The following FHIT variants were observed in gnomAD, a reference collection of about 807,000 sequenced individuals.
FHIT encodes fragile histidine triad diadenosine triphosphatase, also known as bis(5'-adenosyl)-triphosphatase.
Under a neutral mutation model 17.9 loss-of-function variants are expected in FHIT, and 19 were observed. The observed-to-expected ratio is 1.06, with a 90% confidence interval of 0.74 to 1.56. The LOEUF (loss-of-function observed/expected upper bound fraction) is 1.56, where lower values mean the gene tolerates loss of function less well. FHIT is among the 40% of genes most tolerant of loss of function. The pLI is 0.00. For missense variants in FHIT, 248 were observed against 189.2 expected, an observed-to-expected ratio of 1.31 and a Z score of -1.82; for synonymous variants, 81 against 69.7, an observed-to-expected ratio of 1.16 and a Z score of -0.81.
chr3:60,214,718 T>C (rs553999297), intron 5 of FHIT, among the ~76,000 whole-genome samples: 125 of 152,310 alleles, frequency 8.2e-4, no homozygotes, highest in Admixed American at 2.2e-3. Context: ...TACACTCCTA[T>C]GTTCATTGCA....
intron 4 of FHIT, among the ~76,000 whole-genome samples, chr3:60,643,555 A>G (rs2039780143): frequency 6.6e-6 from 1 of 152,184 alleles, no homozygotes; most frequent in Admixed American, 6.6e-5. Flanking sequence ...ATCTAGATTC[A>G]CAGATGCAAA....
At chr3:60,985,743 T>C (rs2107566772) in intron 3 of FHIT, among the ~76,000 whole-genome samples, 1 of 152,354 alleles carries the variant, frequency 6.6e-6, no homozygotes, top group East Asian at 1.9e-4. Flanking sequence ...CCCAGGTGCG[T>C]TAGCTTCCTC....
chr3:60,826,288 T>C (rs1413625073), intron 3 of FHIT, among the ~76,000 whole-genome samples: 1 of 145,390 alleles, frequency 6.9e-6, no homozygotes, highest in East Asian at 2.1e-4. Flanking sequence ...ATAGATGAGG[T>C]TAGTTTTTTT....
chr3:60,460,951 G>A (rs879848827), intron 5 of FHIT, among the ~76,000 whole-genome samples: 1 of 152,054 alleles, frequency 6.6e-6, no homozygotes, highest in Admixed American at 6.6e-5. Context: ...CCAAACTTAG[G>A]AATCTATTTA....
chr3:60,110,289 G>A (rs1484753205), intron 5 of FHIT, among the ~76,000 whole-genome samples: 1 of 152,100 alleles, frequency 6.6e-6, no homozygotes, highest in African/African-American at 2.4e-5. Context: ...CAGGGTAAGT[G>A]GGCTCAGAAT....
chr3:60,332,059 A>T (rs1710004074), intron 5 of FHIT, among the ~76,000 whole-genome samples: 1 of 152,056 alleles, frequency 6.6e-6, no homozygotes, highest in African/African-American at 2.4e-5. Flanking sequence ...AAGTGCCACT[A>T]GATTCTTTCA....
chr3:60,298,396 T>C (rs1708304584), intron 5 of FHIT, among the ~76,000 whole-genome samples: 1 of 152,040 alleles, frequency 6.6e-6, no homozygotes, highest in Admixed American at 6.6e-5. Flanking sequence ...TAAAAAACAC[T>C]CTTATCTCCA....
intron 5 of FHIT, among the ~76,000 whole-genome samples, chr3:60,439,175 C>A (rs1212140183): frequency 6.6e-6 from 1 of 152,092 alleles, no homozygotes; most frequent in Non-Finnish European, 1.5e-5. Flanking sequence ...GGAATCATCA[C>A]TGGTGCACAG....
intron 8 of FHIT, among the ~76,000 whole-genome samples, chr3:59,921,085 T>G (rs927257535): frequency 6.6e-6 from 1 of 152,160 alleles, no homozygotes; most frequent in African/African-American, 2.4e-5. Flanking sequence ...CTATTTCCAC[T>G]CTACACACAT....
At chr3:60,002,804 T>C (rs1045061333) in intron 7 of FHIT, among the ~76,000 whole-genome samples, 17 of 152,200 alleles carry the variant, frequency 1.1e-4, no homozygotes, top group Admixed American at 9.8e-4. Flanking sequence ...CTGAGGGGAC[T>C]GAATAATTTG....
intron 4 of FHIT, among the ~76,000 whole-genome samples, chr3:60,777,021 G>A (rs1467888822): frequency 6.6e-6 from 1 of 152,176 alleles, no homozygotes; most frequent in African/African-American, 2.4e-5. Flanking sequence ...TTCCTAAGGT[G>A]CTAATCTTAA....
chr3:60,081,791 C>G (rs189899613), intron 5 of FHIT, among the ~76,000 whole-genome samples: 133 of 152,136 alleles, frequency 8.7e-4, no homozygotes, highest in Admixed American at 2.8e-3. Flanking sequence ...GAGAGAGTGC[C>G]AGGAATAACA....
chr3:60,638,875 T>A (rs915519230), intron 4 of FHIT, among the ~76,000 whole-genome samples: 2 of 150,358 alleles, frequency 1.3e-5, no homozygotes, highest in African/African-American at 4.9e-5. Flanking sequence ...TAAAAAATGG[T>A]GTGTTGGGGG....
intron 5 of FHIT, among the ~76,000 whole-genome samples, chr3:60,191,640 G>A (rs978093082): frequency 1.1e-4 from 16 of 152,176 alleles, no homozygotes; most frequent in South Asian, 2.1e-4. Context: ...GAGGCCAGAT[G>A]AATTAATCAA....
intron 5 of FHIT, among the ~76,000 whole-genome samples, chr3:60,432,040 A>G (rs1702929254): frequency 6.6e-6 from 1 of 152,078 alleles, no homozygotes; most frequent in Non-Finnish European, 1.5e-5. Flanking sequence ...CAGTAGCGCA[A>G]TCTTGGCTCA....
At chr3:60,332,632 C>T (rs1244656445) in intron 5 of FHIT, among the ~76,000 whole-genome samples, 1 of 152,164 alleles carries the variant, frequency 6.6e-6, no homozygotes, top group Admixed American at 6.5e-5. Context: ...GATTTTCCCT[C>T]TTAATGCTAT....
chr3:60,628,738 T>G (rs1288682967), intron 4 of FHIT, among the ~76,000 whole-genome samples: 6 of 152,196 alleles, frequency 3.9e-5, no homozygotes, highest in African/African-American at 1.4e-4. Flanking sequence ...TGTCTATTGC[T>G]TTGGACAATG....
chr3:60,842,318 T>C (rs1702748033), intron 3 of FHIT, among the ~76,000 whole-genome samples: 1 of 151,482 alleles, frequency 6.6e-6, no homozygotes, highest in Non-Finnish European at 1.5e-5. Context: ...AATGAGACCA[T>C]GTCTAGACAG....
intron 2 of FHIT, among the ~76,000 whole-genome samples, chr3:61,132,535 A>T (rs1353099013): frequency 1.3e-5 from 2 of 152,214 alleles, no homozygotes; most frequent in Non-Finnish European, 2.9e-5. Flanking sequence ...AAACATGGGG[A>T]TGCCGATAAG....
Sources: gnomAD v4.1 joint callset for allele counts (sites outside exome capture counted in the v4.1 genomes callset) on GRCh38, gnomAD v4.1.1 for gene constraint, MANE v1.5 for transcripts, NCBI Gene and HGNC (gene_info 2026-07-23, HGNC 2026-07-21) for gene names.